ACOT12: variants seen among roughly 807,000 people sequenced by gnomAD.
ACOT12 encodes acyl-CoA thioesterase 12, also known as acetyl-coenzyme A thioesterase.
ACOT12 carries 51 observed loss-of-function variants against 67.7 expected under a neutral mutation model. The ratio of observed to expected loss-of-function variants is 0.75; its 90% CI spans 0.60 to 0.95. The LOEUF (loss-of-function observed/expected upper bound fraction) is 0.95, where lower values mean the gene tolerates loss of function less well. Ranked by LOEUF, ACOT12 falls within the 40% of genes least tolerant of loss-of-function variation. The pLI, the probability that ACOT12 is intolerant of heterozygous loss-of-function variation, is 0.00. For synonymous variants in ACOT12, 251 were observed against 244.6 expected (o/e 1.03, Z -0.24); for missense variants, 734 against 708.1 (o/e 1.04, Z -0.41).
intron 12 of ACOT12, among the ~76,000 whole-genome samples, chr5:81,333,143 A>G (rs1318011399): frequency 6.6e-6 from 1 of 152,176 alleles, no homozygotes; most frequent in African/African-American, 2.4e-5. Context: ...TGCAAGTGAT[A>G]GAGGATGGTG....
intron 3 of ACOT12, among the ~76,000 whole-genome samples, chr5:81,364,943 G>A (rs574293174): frequency 8.6e-5 from 13 of 151,908 alleles, no homozygotes; most frequent in South Asian, 4.2e-4. Flanking sequence ...AAGCTAACAC[G>A]GACAGAATTG....
intron 2 of ACOT12, among the ~76,000 whole-genome samples, chr5:81,378,847 G>T (rs903956862): frequency 1.3e-5 from 2 of 152,168 alleles, no homozygotes; most frequent in Non-Finnish European, 2.9e-5. Flanking sequence ...ATGCTGGACA[G>T]TACATGGGGA....
At chr5:81,317,427 G>A in the ACOT12 span, among the ~76,000 whole-genome samples, 1 of 151,982 alleles carries the variant, frequency 6.6e-6, no homozygotes, top group Middle Eastern at 3.4e-3. Context: ...ACTGGAACCC[G>A]GGAAGTGGAG....
the ACOT12 span, chr5:81,309,222 A>G: frequency 2.2e-6 from 1 of 459,130 alleles, no homozygotes; most frequent in Non-Finnish European, 3.8e-6. Flanking sequence ...TTCAGATGTT[A>G]ATAAAACAAA....
At chr5:81,377,652 C>A (rs189849640) in intron 2 of ACOT12, among the ~76,000 whole-genome samples, 1 of 152,202 alleles carries the variant, frequency 6.6e-6, no homozygotes, top group Admixed American at 6.5e-5. Context: ...TCTCAAGATA[C>A]AAAATCAATG....
At chr5:81,377,527 A>T (rs531276556) in intron 2 of ACOT12, among the ~76,000 whole-genome samples, 1 of 152,320 alleles carries the variant, frequency 6.6e-6, no homozygotes, top group Non-Finnish European at 1.5e-5. Context: ...GGGTATTCAA[A>T]TAGGAAAAGA....
At chr5:81,308,921 G>A in the ACOT12 span, 4 of 1,601,030 alleles carry the variant, frequency 2.5e-6, no homozygotes, top group African/African-American at 5.4e-5. Context: ...ATTGTCAACT[G>A]AATAGGAACT....
chr5:81,357,417 T>C (rs921523548), intron 5 of ACOT12, among the ~76,000 whole-genome samples: 12 of 152,152 alleles, frequency 7.9e-5, no homozygotes, highest in Non-Finnish European at 1.6e-4. Flanking sequence ...TACCAGTCAG[T>C]GTGGAAGTCT....
chr5:81,359,750 T>A, intron 5 of ACOT12, 153 bp downstream of exon 5: 1 of 758,586 alleles, frequency 1.3e-6, no homozygotes, highest in Non-Finnish European at 2.0e-6. Flanking sequence ...AATGGCCAGG[T>A]TTCTTCTCCA....
chr5:81,317,177 A>G, the ACOT12 span, among the ~76,000 whole-genome samples: 1 of 152,194 alleles, frequency 6.6e-6, no homozygotes, highest in Non-Finnish European at 1.5e-5. Flanking sequence ...ACTGCTATAA[A>G]GAACTACCCA....
intron 2 of ACOT12, among the ~76,000 whole-genome samples, chr5:81,376,713 C>T (rs1487681199): frequency 6.6e-6 from 1 of 152,142 alleles, no homozygotes; most frequent in Admixed American, 6.5e-5. Context: ...ACAAACACCT[C>T]TACGCAAATA....
the ACOT12 span, among the ~76,000 whole-genome samples, chr5:81,324,084 GGCAT>G: frequency 6.6e-6 from 1 of 151,948 alleles, no homozygotes; most frequent in Non-Finnish European, 1.5e-5. Flanking sequence ...TGGGATTACA[GGCAT>G]GTGCCACCAT....
chr5:81,347,643 CATT>C (rs1759420323), intron 6 of ACOT12, 128 bp downstream of exon 6: 2 of 974,716 alleles, frequency 2.1e-6, no homozygotes, highest in Middle Eastern at 2.8e-4. Context: ...ATTTAGAAAT[CATT>C]ATAAAAGGCA....
At chr5:81,391,153 C>A (rs1760854135) in intron 1 of ACOT12, among the ~76,000 whole-genome samples, 1 of 152,220 alleles carries the variant, frequency 6.6e-6, no homozygotes, top group African/African-American at 2.4e-5. Flanking sequence ...CCTATGTATA[C>A]ATGATTCAAG....
At chr5:81,344,488 C>G (rs944293950) in intron 8 of ACOT12, among the ~76,000 whole-genome samples, 1 of 152,182 alleles carries the variant, frequency 6.6e-6, no homozygotes, top group Non-Finnish European at 1.5e-5. Context: ...ATACTTAATT[C>G]TCACTACAGA....
At chr5:81,364,876 G>GT (rs1278711664) in intron 3 of ACOT12, among the ~76,000 whole-genome samples, 2 of 151,808 alleles carry the variant, frequency 1.3e-5, no homozygotes, top group Non-Finnish European at 1.5e-5. Flanking sequence ...TACTCTCAGA[G>GT]TTTTTTTTCC....
chr5:81,332,644 A>G (rs1343974875), intron 12 of ACOT12, 39 bp from the exon 13 acceptor site: 2 of 1,611,010 alleles, frequency 1.2e-6, no homozygotes, highest in Admixed American at 3.3e-5. Flanking sequence ...TATACTTTCT[A>G]CCTGCTCAGG....
intron 3 of ACOT12, among the ~76,000 whole-genome samples, chr5:81,369,588 A>T (rs1760184618): frequency 6.6e-6 from 1 of 152,224 alleles, no homozygotes; most frequent in Non-Finnish European, 1.5e-5. Flanking sequence ...AGAGAACAAA[A>T]TTCTGCACGG....
intron 12 of ACOT12, among the ~76,000 whole-genome samples, 183 bp downstream of exon 12, chr5:81,335,585 G>A (rs935230408): frequency 6.6e-6 from 1 of 152,108 alleles, no homozygotes; most frequent in Non-Finnish European, 1.5e-5. Context: ...GGCTGGTCTT[G>A]AACTCCCGGA....
Sources: gnomAD v4.1 joint callset for allele counts (sites outside exome capture counted in the v4.1 genomes callset) on GRCh38, gnomAD v4.1.1 for gene constraint, MANE v1.5 for transcripts, NCBI Gene and HGNC (gene_info 2026-07-23, HGNC 2026-07-21) for gene names.